The following ITPKC variants were observed in gnomAD, a reference collection of about 807,000 sequenced individuals.
ITPKC encodes IP3 3-kinase C.
ITPKC carries 33 observed loss-of-function variants against 67.1 expected under a neutral mutation model. The observed-to-expected ratio is 0.49, with a 90% CI of 0.37 to 0.66. The LOEUF is 0.66. ITPKC is among the 30% of genes least tolerant of loss of function. ITPKC has a pLI of 0.00. For missense variants in ITPKC, 820 were observed against 892.1 expected, an observed-to-expected ratio of 0.92 and a Z score of 1.03; for synonymous variants, 341 against 359.8, an observed-to-expected ratio of 0.95 and a Z score of 0.59.
chr19:40,736,324 G>T (rs2082294200), intron 4 of ITPKC, among the ~76,000 whole-genome samples: 1 of 151,846 alleles, frequency 6.6e-6, no homozygotes, highest in South Asian at 2.1e-4. Context: ...ACGATTCACA[G>T]CCAGCTCCAC....
Position 40,737,733 on chromosome 19 carries a change from A to C in ITPKC, c.1812A>C (p.Glu604Asp). The change falls in exon 6 of 7, where the codon GAA (glutamate) becomes GAC (aspartate). Residue 604 changes from glutamate to aspartate, a missense_variant. Transcript: ENST00000263370. ...TGGCATGCCTAGAAGAACTTCGTGA[A>C]GCTCTGGAGATCTCCCCCTTCTTCA... is the stretch of plus-strand genomic sequence containing the variant. ...KYVACLEELREALEISPFFKT... is the reference protein window; with the variant it reads ...KYVACLEELRDALEISPFFKT... 6.2e-7 allele frequency: 1 copy of C among 1,614,140 alleles called. No homozygotes were observed. The highest frequency in any genetic ancestry group is 8.5e-7 in the Non-Finnish European group (1 of 1,180,002).
At chr19:40,721,814 A>G (rs2082224123) in intron 1 of ITPKC, among the ~76,000 whole-genome samples, 1 of 152,104 alleles carries the variant, frequency 6.6e-6, no homozygotes, top group African/African-American at 2.4e-5. Context: ...ACCCTGGGCA[A>G]CACAGTGAGA....
intron 2 of ITPKC, among the ~76,000 whole-genome samples, chr19:40,728,638 A>G (rs886538201): frequency 2.6e-5 from 4 of 152,194 alleles, no homozygotes; most frequent in African/African-American, 9.7e-5. Flanking sequence ...AAAAATTACA[A>G]AACAAATTAG....
intron 1 of ITPKC, 25 bp from the exon 2 acceptor site, chr19:40,725,315 C>A: frequency 1.3e-6 from 2 of 1,536,088 alleles, no homozygotes; most frequent in Non-Finnish European, 1.8e-6. Flanking sequence ...TTGGCCCTGA[C>A]CCCACCCTGC....
intron 4 of ITPKC, among the ~76,000 whole-genome samples, chr19:40,736,122 G>A (rs1175871095): frequency 6.6e-6 from 1 of 151,986 alleles, no homozygotes; most frequent in Non-Finnish European, 1.5e-5. Flanking sequence ...AAACCCCGTT[G>A]CTACTAAAAA....
intron 1 of ITPKC, among the ~76,000 whole-genome samples, chr19:40,724,172 C>A (rs184652581): frequency 7.4e-4 from 113 of 152,214 alleles, no homozygotes; most frequent in Non-Finnish European, 1.3e-3. Context: ...CTTTGGAGAC[C>A]AAGATGGGAG....
intron 6 of ITPKC, among the ~76,000 whole-genome samples, chr19:40,739,043 G>A (rs985195672): frequency 1.3e-5 from 2 of 152,124 alleles, no homozygotes; most frequent in Non-Finnish European, 2.9e-5. Flanking sequence ...CTTACACATT[G>A]TTTGTTTCTG....
chr19:40,729,095 G>T, intron 2 of ITPKC, 107 bp from the exon 3 acceptor site: 1 of 800,506 alleles, frequency 1.2e-6, no homozygotes, highest in Non-Finnish European at 2.1e-6. Flanking sequence ...ATTGCAGGAG[G>T]GTCGGGCAAG....
chr19:40,734,351 A>G (rs2082285023), intron 4 of ITPKC, among the ~76,000 whole-genome samples: 2 of 152,080 alleles, frequency 1.3e-5, no homozygotes, highest in Non-Finnish European at 2.9e-5. Flanking sequence ...GCAAGTATGC[A>G]GATTGAGCTG....
At chr19:40,724,854 A>G (rs1475303646) in intron 1 of ITPKC, among the ~76,000 whole-genome samples, 1 of 151,840 alleles carries the variant, frequency 6.6e-6, no homozygotes, top group Non-Finnish European at 1.5e-5. Context: ...AGGGTGAGGC[A>G]GGAGGATCAC....
Position 40,733,338 on chromosome 19 carries a change from C to T in ITPKC, c.1648C>T (p.Leu550=). 1 of 1,612,502 alleles carries T rather than the reference C, an allele frequency of 6.2e-7. No individual in the cohort carries two copies. Among genetic ancestry groups the T allele is most frequent in the East Asian group, 2.2e-5 (1 of 44,784 alleles). ...GGAAACCATGAGCTCCACCTCTACC[C>T]TGGGCTTCCGGATCGAGGGCATCAA... ...WRETMSSTST[L]GFRIEGIKKA... Residue 550 remains leucine, a synonymous_variant, in exon 4 of 7, where the codon CTG becomes TTG. Transcript: ENST00000263370.
At chr19:40,737,597 C>T (rs760108256) in intron 5 of ITPKC, 101 bp from the exon 6 acceptor site, 8 of 1,018,534 alleles carry the variant, frequency 7.9e-6, no homozygotes, top group Non-Finnish European at 9.4e-6. Context: ...CTGGCTAGAG[C>T]CTGCCTGCTC....
At chr19:40,737,153 G>C in intron 5 of ITPKC, 66 bp downstream of exon 5, 1 of 1,083,732 alleles carries the variant, frequency 9.2e-7, no homozygotes. Context: ...TCTTGCTCCA[G>C]AGTCAGTGGT....
At chr19:40,735,210 C>T (rs149704956) in intron 4 of ITPKC, among the ~76,000 whole-genome samples, 32 of 152,342 alleles carry the variant, frequency 2.1e-4, no homozygotes, top group African/African-American at 6.5e-4. Context: ...TGAGCCACCA[C>T]GCCCAACCTC....
chr19:40,738,896 G>A (rs1257017374), intron 6 of ITPKC, among the ~76,000 whole-genome samples: 1 of 152,114 alleles, frequency 6.6e-6, no homozygotes, highest in Non-Finnish European at 1.5e-5. Flanking sequence ...AACCAAGATG[G>A]CTCCTAGGTG....
At position 40,729,377 on chromosome 19, in the gene ITPKC, T is replaced by C; in HGVS notation, c.1431T>C (p.Phe477=). Reference sequence around the variant, plus strand: ...AGATGGAAGACCTCCTGGCTGACTTTGAGGGCCCCTCCATTATGGACTGCA... The same window carrying C: ...AGATGGAAGACCTCCTGGCTGACTTCGAGGGCCCCTCCATTATGGACTGCA... The part of the protein sequence containing the change: ...FNQMEDLLAD[F]EGPSIMDCKM... Residue 477 remains phenylalanine (F), a synonymous_variant, in exon 3 of 7, where the codon TTT becomes TTC. Transcript: ENST00000263370. The C allele has an allele frequency of 2.5e-6, 4 of 1,613,802 alleles. No individual in the cohort carries two copies. In the South Asian group the frequency reaches 4.4e-5, roughly 18 times the overall value.
intron 1 of ITPKC, among the ~76,000 whole-genome samples, chr19:40,723,087 G>A (rs2072961448): frequency 6.6e-6 from 1 of 152,074 alleles, no homozygotes; most frequent in African/African-American, 2.4e-5. Flanking sequence ...TCAGCCTCCC[G>A]AGTAGCTGGG....
rs749301440 is a variant in ITPKC, at chr19:40,737,761, A to T, written c.1840A>T (p.Thr614Ser). Residue 614 changes from threonine (T) to serine (S), a missense_variant, in exon 6 of 7, where the codon ACC becomes TCC. By Grantham distance (58) the Thr-to-Ser change is moderately conservative. This residue lies in a region of ITPKC where 339 missense variants were observed against 422.0 expected (regional missense o/e 0.80). Transcript: ENST00000263370. The stretch of plus-strand genomic sequence containing the variant: ...TCTGGAGATCTCCCCCTTCTTCAAG[A>T]CCCACGAGGTGCGAGCCCTGGCTTC... ...EALEISPFFK[T>S]HEVVGSSLLF... is the part of the protein sequence containing the mutation. 1 of 1,613,994 alleles carries T rather than the reference A, an allele frequency of 6.2e-7. No individual in the cohort carries two copies. Among genetic ancestry groups the T allele is most frequent in the Non-Finnish European group, 8.5e-7 (1 of 1,179,922 alleles).
Position 40,717,309 on chromosome 19 carries a change from C to G in ITPKC, c.174C>G (p.Pro58=), listed in dbSNP as rs2144726394. 1 of 1,553,482 alleles carries G rather than the reference C, an allele frequency of 6.4e-7. No individual in the cohort carries two copies. Among genetic ancestry groups the G allele is most frequent in the Non-Finnish European group, 8.7e-7 (1 of 1,152,700 alleles). Residue 58 remains proline, a synonymous_variant, in exon 1 of 7, where the codon CCC becomes CCG. Coordinates refer to ENST00000263370, the MANE Select transcript of ITPKC (RefSeq NM_025194.3). The part of the protein sequence containing the change: ...APAGRPEGGG[P]WARTEGSSLH... ...CGGGGCGGCCGGAGGGGGGCGGGCC[C>G]TGGGCCCGGACAGAGGGGTCCAGCC...
Sources: allele counts gnomAD v4.1 joint callset (sites outside exome capture counted in the v4.1 genomes callset), GRCh38; gene constraint gnomAD v4.1.1; regional missense constraint gnomAD v4.1.1; transcripts MANE v1.5; gene names NCBI Gene and HGNC (gene_info 2026-07-23, HGNC 2026-07-21).